The following THSD4 variants were observed in gnomAD, a reference collection of about 807,000 sequenced individuals.
The protein encoded by THSD4 is thrombospondin type-1 domain-containing protein 4.
In THSD4, 69 loss-of-function variants were observed where a neutral mutation model predicts 119.0. That is an observed-to-expected ratio of 0.58 (90% CI 0.48 to 0.71). The LOEUF is 0.71. Among genes scored for constraint, THSD4 ranks in the 30% least tolerant of loss-of-function variants. The pLI, the probability that THSD4 is intolerant of heterozygous loss-of-function variation, is 0.00. For missense variants in THSD4, 1,393 were observed against 1,391.1 expected (o/e 1.00, Z -0.02); for synonymous variants, 524 against 540.4 (o/e 0.97, Z 0.42).
At chr15:71,696,876 G>C (rs559923024) in intron 8 of THSD4, among the ~76,000 whole-genome samples, 42 of 152,128 alleles carry the variant, frequency 2.8e-4, no homozygotes, top group Non-Finnish European at 5.0e-4. Context: ...AGGCCTATAG[G>C]TGATCTAAAA....
Position 71,215,075 on chromosome 15 carries a change from A to G in THSD4, c.140A>G (p.Asp47Gly), listed in dbSNP as rs1596273201. 5.4e-6 allele frequency: 7 copies of G among 1,301,042 alleles called. No homozygotes were observed. The highest frequency in any genetic ancestry group is 3.2e-5 in the East Asian group (1 of 31,694). The allele number at this position is 1,301,042 out of a possible 1,614,324, so 80.6% of individuals were successfully genotyped here. A position where few individuals can be genotyped will look rare whatever the true frequency, so the allele number is the denominator to read the frequency against. Residue 47 changes from aspartate to glycine, a missense_variant, in exon 4 of 18, where the codon GAC becomes GGC. Transcript: ENST00000261862. ...GCGGCGGAGGGCGCCCCCGAGGACG[A>G]CGGCGGCGGCGGCGCCCCGGGAGTG... ...RMAAEGAPED[D>G]GGGGAPGVWG...
In THSD4 at chr15:71,771,147, C is replaced by A. The variant is rs751891282; in HGVS notation, c.2853C>A (p.Asp951Glu). The change falls in exon 17 of 18, where the codon GAC becomes GAA. Residue 951 changes from aspartate (D) to glutamate (E), a missense_variant. Coordinates refer to ENST00000261862, the MANE Select transcript of THSD4 (RefSeq NM_024817.3). ...SDDMTLSNLC[D>E]PQLKPEERES... ...ACATGACTCTAAGTAACCTCTGTGACCCTCAGTTGAAACCAGAAGAGAGAG... is the reference window on the plus strand; with the variant it reads ...ACATGACTCTAAGTAACCTCTGTGAACCTCAGTTGAAACCAGAAGAGAGAG... The A allele has an allele frequency of 3.7e-5, 60 of 1,614,036 alleles. 2 individuals carry two copies. In the South Asian group the frequency reaches 6.1e-4, roughly 17 times the overall value.
chr15:71,319,666 A>G (rs1365551972), intron 6 of THSD4, among the ~76,000 whole-genome samples: 1 of 151,948 alleles, frequency 6.6e-6, no homozygotes, highest in Non-Finnish European at 1.5e-5. Context: ...CATTTGGGTT[A>G]GTTCCAAGTC....
At chr15:71,143,756 A>C (rs1258721429) in intron 2 of THSD4, among the ~76,000 whole-genome samples, 1 of 128,268 alleles carries the variant, frequency 7.8e-6, no homozygotes, top group Non-Finnish European at 1.5e-5. Flanking sequence ...CCCAGGCTGG[A>C]GTACAGTGGC....
chr15:71,422,510 T>A (rs1291757624), intron 7 of THSD4, among the ~76,000 whole-genome samples: 1 of 152,166 alleles, frequency 6.6e-6, no homozygotes, highest in East Asian at 1.9e-4. Context: ...GTAGAGACTG[T>A]TGTTGTCTCC....
At chr15:71,312,243 G>T (rs572052524) in intron 6 of THSD4, among the ~76,000 whole-genome samples, 2 of 152,064 alleles carry the variant, frequency 1.3e-5, no homozygotes, top group Non-Finnish European at 2.9e-5. Context: ...CAGGAGAATC[G>T]CTGGAAACCG....
chr15:71,620,304 G>A (rs2050397796), intron 7 of THSD4, among the ~76,000 whole-genome samples: 1 of 152,144 alleles, frequency 6.6e-6, no homozygotes, highest in South Asian at 2.1e-4. Flanking sequence ...TAAAAACATA[G>A]TTGTCTGGCT....
intron 6 of THSD4, among the ~76,000 whole-genome samples, chr15:71,297,919 A>G (rs1471842200): frequency 6.6e-6 from 1 of 152,034 alleles, no homozygotes; most frequent in Non-Finnish European, 1.5e-5. Context: ...CACTTTCTTG[A>G]TAGTCCTTTG....
intron 6 of THSD4, among the ~76,000 whole-genome samples, chr15:71,278,222 G>T (rs1255509560): frequency 6.6e-6 from 1 of 152,110 alleles, no homozygotes; most frequent in East Asian, 1.9e-4. Context: ...CTGAGACAGG[G>T]TCTCACTCTG....
chr15:71,738,976 T>C (rs1221168871), intron 11 of THSD4, among the ~76,000 whole-genome samples: 1 of 152,004 alleles, frequency 6.6e-6, no homozygotes, highest in East Asian at 1.9e-4. Context: ...TGTGCACATA[T>C]ATTCATTAAT....
intron 6 of THSD4, among the ~76,000 whole-genome samples, chr15:71,317,563 A>T (rs2045206772): frequency 6.6e-6 from 1 of 152,222 alleles, no homozygotes; most frequent in Admixed American, 6.5e-5. Flanking sequence ...GGTAACTTTC[A>T]CTAGGTCCCT....
chr15:71,309,279 A>C (rs2045078548), intron 6 of THSD4, among the ~76,000 whole-genome samples: 1 of 152,190 alleles, frequency 6.6e-6, no homozygotes, highest in Admixed American at 6.5e-5. Context: ...AATGTTGAGC[A>C]TATTACTGAC....
chr15:71,284,619 T>G (rs1405617965), intron 6 of THSD4, among the ~76,000 whole-genome samples: 1 of 152,220 alleles, frequency 6.6e-6, no homozygotes, highest in Non-Finnish European at 1.5e-5. Context: ...TCTTCACATG[T>G]AAATAACCTA....
intron 1 of THSD4, among the ~76,000 whole-genome samples, chr15:71,139,281 A>C (rs1283537580): frequency 6.6e-6 from 1 of 152,194 alleles, no homozygotes; most frequent in Non-Finnish European, 1.5e-5. Context: ...TTCATCTCCC[A>C]GACCATTCCC....
At chr15:71,651,537 A>G (rs962611) in intron 7 of THSD4, among the ~76,000 whole-genome samples, 60,163 of 152,022 alleles carry the variant, frequency 0.4, 12,796 homozygotes, top group East Asian at 0.9. Flanking sequence ...AGATGGCCCA[A>G]TGATAGCTAA....
At chr15:71,635,239 C>G (rs1413128567) in intron 7 of THSD4, among the ~76,000 whole-genome samples, 2 of 152,250 alleles carry the variant, frequency 1.3e-5, no homozygotes, top group East Asian at 3.9e-4. Flanking sequence ...ATCTTCGAAT[C>G]CCTGTGGCAC....
intron 8 of THSD4, among the ~76,000 whole-genome samples, chr15:71,692,160 G>A (rs1031699853): frequency 2.0e-5 from 3 of 152,190 alleles, no homozygotes; most frequent in African/African-American, 7.2e-5. Flanking sequence ...ACAAAGGAGT[G>A]TTCCAGAACA....
intron 7 of THSD4, among the ~76,000 whole-genome samples, chr15:71,575,652 G>A (rs559272762): frequency 3.7e-4 from 57 of 152,246 alleles, no homozygotes; most frequent in African/African-American, 1.2e-3. Flanking sequence ...CTGTAGTTAC[G>A]TGTATTACCA....
At chr15:71,709,586 C>T (rs1305813933) in intron 8 of THSD4, among the ~76,000 whole-genome samples, 1 of 152,162 alleles carries the variant, frequency 6.6e-6, no homozygotes, top group East Asian at 1.9e-4. Context: ...AGCACCAGGA[C>T]CTTAACTGGA....
Sources: allele counts gnomAD v4.1 joint callset (sites outside exome capture counted in the v4.1 genomes callset), GRCh38; gene constraint gnomAD v4.1.1; transcripts MANE v1.5; gene names NCBI Gene and HGNC (gene_info 2026-07-23, HGNC 2026-07-21).